CLASP2: variants seen among roughly 807,000 people sequenced by gnomAD.
The protein encoded by CLASP2 is CLIP-associating protein 2.
CLASP2 carries 47 observed loss-of-function variants against 194.4 expected under a neutral mutation model. The ratio of observed to expected loss-of-function variants is 0.24; its 90% CI spans 0.19 to 0.31. The LOEUF (loss-of-function observed/expected upper bound fraction) is 0.31, where lower values mean the gene tolerates loss of function less well. Among genes scored for constraint, CLASP2 ranks in the 10% least tolerant of loss-of-function variants. CLASP2 has a pLI of 1.00. For synonymous variants in CLASP2, 619 were observed against 633.5 expected (o/e 0.98, Z 0.34); for missense variants, 1,445 against 1,823.6 (o/e 0.79, Z 3.78).
intron 1 of CLASP2, among the ~76,000 whole-genome samples, chr3:33,701,757 C>T (rs2092390906): frequency 6.6e-6 from 1 of 152,180 alleles, no homozygotes; most frequent in Non-Finnish European, 1.5e-5. Flanking sequence ...ATTGGATATC[C>T]ATGTGCAAAA....
At chr3:33,563,620 C>T (rs2062153705) in intron 27 of CLASP2, among the ~76,000 whole-genome samples, 1 of 152,210 alleles carries the variant, frequency 6.6e-6, no homozygotes, top group Admixed American at 6.5e-5. Flanking sequence ...CCATTTAGCA[C>T]AGCCACTGAC....
At chr3:33,674,423 C>T (rs2088076830) in intron 6 of CLASP2, among the ~76,000 whole-genome samples, 1 of 151,086 alleles carries the variant, frequency 6.6e-6, no homozygotes, top group African/African-American at 2.5e-5. Flanking sequence ...ATACCAGAAT[C>T]TCTGGGACAC....
chr3:33,528,833 AGG>A (rs2055357890), intron 34 of CLASP2, among the ~76,000 whole-genome samples: 1 of 152,048 alleles, frequency 6.6e-6, no homozygotes, highest in African/African-American at 2.4e-5. Context: ...AAAGAAAGAG[AGG>A]TCGATAGACA....
intron 29 of CLASP2, among the ~76,000 whole-genome samples, chr3:33,554,362 AG>A (rs2060559311): frequency 6.6e-6 from 1 of 152,238 alleles, no homozygotes; most frequent in East Asian, 1.9e-4. Context: ...GTGATAACGA[AG>A]ATGAACCTGG....
chr3:33,673,359 G>A (rs920196450), intron 6 of CLASP2, among the ~76,000 whole-genome samples: 4 of 152,150 alleles, frequency 2.6e-5, no homozygotes, highest in African/African-American at 9.7e-5. Context: ...AGAAGTGAAG[G>A]AGAAATAAAA....
chr3:33,567,976 T>C (rs1458406540), intron 26 of CLASP2, among the ~76,000 whole-genome samples: 2 of 152,234 alleles, frequency 1.3e-5, no homozygotes, highest in Non-Finnish European at 2.9e-5. Flanking sequence ...TGCTGATTTA[T>C]GGTCTAAATT....
chr3:33,670,559 T>A (rs2086974535), intron 6 of CLASP2, among the ~76,000 whole-genome samples: 2 of 152,188 alleles, frequency 1.3e-5, no homozygotes, highest in South Asian at 4.1e-4. Flanking sequence ...TCTTCTTAGA[T>A]CTGTAAGAAA....
At chr3:33,685,742 G>A (rs2154345789) in intron 5 of CLASP2, among the ~76,000 whole-genome samples, 1 of 150,608 alleles carries the variant, frequency 6.6e-6, no homozygotes, top group African/African-American at 2.4e-5. Flanking sequence ...CTACTTCTAT[G>A]AGGTACACAG....
At chr3:33,519,097 G>T (rs1206792834) in intron 34 of CLASP2, among the ~76,000 whole-genome samples, 1 of 152,182 alleles carries the variant, frequency 6.6e-6, no homozygotes, top group Non-Finnish European at 1.5e-5. Flanking sequence ...CTAGAATACA[G>T]TAAGATCATT....
intron 34 of CLASP2, among the ~76,000 whole-genome samples, chr3:33,529,704 G>A (rs900887357): frequency 7.9e-5 from 12 of 152,102 alleles, no homozygotes; most frequent in South Asian, 2.1e-4. Context: ...ATCTTCGGCC[G>A]GGCGCGGTGG....
chr3:33,497,213 T>A lies in CLASP2; in HGVS notation c.*1418A>T, dbSNP rs1025125711. 1 of 152,532 alleles carries A rather than the reference T, an allele frequency of 6.6e-6. No homozygotes were observed. Among genetic ancestry groups the A allele is most frequent in the Non-Finnish European group, 1.5e-5 (1 of 68,012 alleles). 9.4% of individuals were successfully genotyped at this position (152,532 alleles called of 1,614,324 possible). ...ACTCTTGTCTTAAATTCTTTACATA[T>A]ATTTCTACATTTTTTTCAGTTAAAC... is the stretch of plus-strand genomic sequence containing the variant. On this transcript the variant is annotated 3_prime_UTR_variant, in exon 39 of 39. Coordinates refer to ENST00000682230, the MANE Select transcript of CLASP2 (RefSeq NM_001365631.1).
At chr3:33,584,694 G>GA (rs367641282) in intron 22 of CLASP2, 56 bp downstream of exon 22, 152,616 of 998,796 alleles carry the variant, frequency 0.15, 65 homozygotes, top group Non-Finnish European at 0.16. Flanking sequence ...GCCAAAGCCT[G>GA]AAAAAAAAAA....
intron 34 of CLASP2, among the ~76,000 whole-genome samples, chr3:33,519,961 T>A (rs1468775362): frequency 6.6e-6 from 1 of 152,208 alleles, no homozygotes; most frequent in Non-Finnish European, 1.5e-5. Context: ...AAGGGAGTGA[T>A]CCTGATAAAC....
intron 37 of CLASP2, among the ~76,000 whole-genome samples, chr3:33,506,070 T>C (rs1559767124): frequency 1.3e-5 from 2 of 151,726 alleles, no homozygotes; most frequent in Admixed American, 6.6e-5. Context: ...TATGACATGA[T>C]ACTTAGAATT....
At chr3:33,671,786 T>C (rs934440304) in intron 6 of CLASP2, among the ~76,000 whole-genome samples, 1 of 152,102 alleles carries the variant, frequency 6.6e-6, no homozygotes, top group Non-Finnish European at 1.5e-5. Context: ...CACCAGGAGA[T>C]TATATCCTGC....
intron 18 of CLASP2, chr3:33,602,572 T>G: frequency 1.3e-6 from 1 of 762,726 alleles, no homozygotes; most frequent in Non-Finnish European, 2.4e-6. Context: ...CTCCCAGATC[T>G]CCAAAAGGCT....
intron 31 of CLASP2, 82 bp from the exon 32 acceptor site, chr3:33,543,621 T>C: frequency 2.5e-6 from 2 of 812,438 alleles, no homozygotes; most frequent in South Asian, 1.4e-5. Flanking sequence ...ACACAAACAT[T>C]AGGTTGAACC....
At chr3:33,519,605 CAG>C (rs995991250) in intron 34 of CLASP2, among the ~76,000 whole-genome samples, 22 of 152,198 alleles carry the variant, frequency 1.4e-4, no homozygotes, top group African/African-American at 4.3e-4. Flanking sequence ...TAATGTCAAA[CAG>C]GGTCTTCCTC....
intron 32 of CLASP2, among the ~76,000 whole-genome samples, chr3:33,539,918 ATTT>A (rs59070086): frequency 3.7e-5 from 5 of 135,256 alleles, no homozygotes; most frequent in Admixed American, 7.3e-5. Context: ...ACTGAATATA[ATTT>A]TTTTTTTTTT....
Sources: gnomAD v4.1 joint callset for allele counts (sites outside exome capture counted in the v4.1 genomes callset) on GRCh38, gnomAD v4.1.1 for gene constraint, MANE v1.5 for transcripts, NCBI Gene and HGNC (gene_info 2026-07-23, HGNC 2026-07-21) for gene names.